EPB41: variants seen among roughly 807,000 people sequenced by gnomAD.
EPB41 encodes protein 4.1.
Under a neutral mutation model 108.0 loss-of-function variants are expected in EPB41, and 65 were observed. The observed-to-expected ratio is 0.60, with a 90% CI of 0.49 to 0.74. EPB41 has a LOEUF of 0.74. Among genes scored for constraint, EPB41 ranks in the 30% least tolerant of loss-of-function variants. EPB41 has a pLI of 0.00. For missense variants in EPB41, 875 were observed against 1,037.0 expected, an observed-to-expected ratio of 0.84 and a Z score of 2.15; for synonymous variants, 336 against 358.9, an observed-to-expected ratio of 0.94 and a Z score of 0.72.
chr1:28,974,800 G>GTT (rs548377174), intron 1 of EPB41, among the ~76,000 whole-genome samples: 48 of 143,886 alleles, frequency 3.3e-4, no homozygotes, highest in African/African-American at 8.1e-4. Context: ...TTTTGTTTTT[G>GTT]TTTTTTTTTT....
At chr1:28,910,336 AT>A (rs1046672680), upstream of EPB41, among the ~76,000 whole-genome samples, 30 of 152,202 alleles carry the variant, frequency 2.0e-4, no homozygotes, top group African/African-American at 6.0e-4. Context: ...AATAACTGTG[AT>A]TTTTTATCCT....
intron 1 of EPB41, among the ~76,000 whole-genome samples, chr1:28,956,221 A>G (rs374101273): frequency 1.1e-4 from 17 of 152,342 alleles, no homozygotes; most frequent in African/African-American, 3.6e-4. Context: ...GTGTGTATAC[A>G]TGTCATTGTG....
At chr1:28,931,050 G>C (rs1248297430) in intron 1 of EPB41, among the ~76,000 whole-genome samples, 1 of 151,938 alleles carries the variant, frequency 6.6e-6, no homozygotes, top group African/African-American at 2.4e-5. Context: ...CAAAACTAGG[G>C]ATGAAAACAA....
At chr1:29,054,492 TTATCTC>T (rs1558168214) in intron 12 of EPB41, 1 of 150,460 alleles carries the variant, frequency 6.6e-6, no homozygotes, top group African/African-American at 2.5e-5. Flanking sequence ...AATATCTAGT[TTATCTC>T]TAGAGCAGTG....
intron 16 of EPB41, among the ~76,000 whole-genome samples, chr1:29,078,510 G>C (rs889578502): frequency 6.6e-6 from 1 of 152,070 alleles, no homozygotes; most frequent in Non-Finnish European, 1.5e-5. Context: ...TGTAATCCCA[G>C]CGCTTTGGGA....
At chr1:29,041,827 C>T (rs184712920) in intron 11 of EPB41, among the ~76,000 whole-genome samples, 2 of 152,320 alleles carry the variant, frequency 1.3e-5, no homozygotes, top group African/African-American at 4.8e-5. Context: ...CTTCATTTCT[C>T]TGTGCCTCAG....
At chr1:29,020,202 G>A (rs1239745422) in intron 7 of EPB41, among the ~76,000 whole-genome samples, 4 of 151,604 alleles carry the variant, frequency 2.6e-5, no homozygotes, top group Non-Finnish European at 5.9e-5. Context: ...TGAGTAGCTG[G>A]GATTACAGGC....
intron 16 of EPB41, chr1:29,066,018 G>A (rs1647485857): frequency 6.6e-6 from 1 of 151,788 alleles, no homozygotes; most frequent in Non-Finnish European, 1.5e-5. Context: ...ATCTTTATGA[G>A]TAATATTAAA....
chr1:28,959,667 T>C (rs1191541170), intron 1 of EPB41, among the ~76,000 whole-genome samples: 1 of 152,088 alleles, frequency 6.6e-6, no homozygotes, highest in Non-Finnish European at 1.5e-5. Context: ...ACAGTAAAAA[T>C]AGAAACATAT....
At chr1:28,966,362 T>C (rs748541578) in intron 1 of EPB41, among the ~76,000 whole-genome samples, 1 of 152,208 alleles carries the variant, frequency 6.6e-6, no homozygotes, top group Non-Finnish European at 1.5e-5. Flanking sequence ...TCTTTTATTA[T>C]GAGGAAAGTA....
At chr1:28,940,976 A>G (rs1225942607) in intron 1 of EPB41, among the ~76,000 whole-genome samples, 2 of 152,194 alleles carry the variant, frequency 1.3e-5, no homozygotes, top group African/African-American at 4.8e-5. Context: ...GGTATAGGGT[A>G]TGGAAAGCAC....
At chr1:28,889,894 A>AG (rs2089922239) in intron 1 of EPB41, 12 of 951,508 alleles carry the variant, frequency 1.3e-5, no homozygotes, top group Non-Finnish European at 1.5e-5. Context: ...GGCTCACCAC[A>AG]GAGTTATGGT....
chr1:28,949,479 T>C (rs1183840246), intron 1 of EPB41, among the ~76,000 whole-genome samples: 2 of 152,190 alleles, frequency 1.3e-5, no homozygotes, highest in Non-Finnish European at 2.9e-5. Context: ...TATATAGATA[T>C]ATATTACAAC....
intron 1 of EPB41, among the ~76,000 whole-genome samples, chr1:28,905,727 C>A (rs546359713): frequency 1.3e-5 from 2 of 152,134 alleles, no homozygotes; most frequent in African/African-American, 4.8e-5. Context: ...GGGTGACTTG[C>A]CTAGAGTCAT....
chr1:28,906,104 C>T (rs1468810329), intron 1 of EPB41, among the ~76,000 whole-genome samples: 1 of 152,202 alleles, frequency 6.6e-6, no homozygotes, highest in Admixed American at 6.5e-5. Flanking sequence ...TAGGCGTGAG[C>T]CACTGTGCGT....
intron 1 of EPB41, among the ~76,000 whole-genome samples, chr1:28,917,621 C>T (rs1362929819): frequency 6.6e-6 from 1 of 151,378 alleles, no homozygotes; most frequent in African/African-American, 2.4e-5. Flanking sequence ...TACCTTGTTG[C>T]CCAAGCTGGA....
intron 12 of EPB41, among the ~76,000 whole-genome samples, chr1:29,058,364 G>T (rs1443271276): frequency 6.6e-6 from 1 of 151,850 alleles, no homozygotes; most frequent in Non-Finnish European, 1.5e-5. Flanking sequence ...TTGATAATTT[G>T]GATATCCATA....
intron 16 of EPB41, among the ~76,000 whole-genome samples, chr1:29,091,610 G>A (rs1179411651): frequency 6.6e-6 from 1 of 152,116 alleles, no homozygotes; most frequent in African/African-American, 2.4e-5. Context: ...TTCATATACA[G>A]TATATTATTG....
At chr1:28,930,021 C>T (rs1157800808) in intron 1 of EPB41, among the ~76,000 whole-genome samples, 1 of 151,546 alleles carries the variant, frequency 6.6e-6, no homozygotes, top group African/African-American at 2.4e-5. Context: ...ACTTCATATT[C>T]ATTAGCAGTC....
Sources: gnomAD v4.1 joint callset for allele counts (sites outside exome capture counted in the v4.1 genomes callset) on GRCh38, gnomAD v4.1.1 for gene constraint, MANE v1.5 for transcripts, NCBI Gene and HGNC (gene_info 2026-07-23, HGNC 2026-07-21) for gene names.